The following MYO16 variants were observed in gnomAD, a reference collection of about 807,000 sequenced individuals.
The protein encoded by MYO16 is myosin XVI.
In MYO16, 94 loss-of-function variants were observed where a neutral mutation model predicts 205.3. That is an observed-to-expected ratio of 0.46 (90% CI 0.39 to 0.54). The LOEUF is 0.54. MYO16 is among the 20% of genes least tolerant of loss of function. The pLI is 0.00. For synonymous variants in MYO16, 988 were observed against 954.0 expected, an observed-to-expected ratio of 1.04 and a Z score of -0.66; for missense variants, 2,315 against 2,387.5, an observed-to-expected ratio of 0.97 and a Z score of 0.63.
intron 32 of MYO16, among the ~76,000 whole-genome samples, chr13:109,160,921 G>A (rs1036104982): frequency 1.3e-5 from 2 of 152,144 alleles, no homozygotes; most frequent in African/African-American, 4.8e-5. Flanking sequence ...CTGGGTAGTG[G>A]GAATGCTTTT....
At chr13:108,992,776 T>C (rs1029452915) in intron 21 of MYO16, among the ~76,000 whole-genome samples, 1 of 152,164 alleles carries the variant, frequency 6.6e-6, no homozygotes. Context: ...AGGCAAAGGC[T>C]TTCAAAAACC....
At chr13:108,930,520 A>G (rs1882208752) in intron 16 of MYO16, among the ~76,000 whole-genome samples, 1 of 152,222 alleles carries the variant, frequency 6.6e-6, no homozygotes, top group African/African-American at 2.4e-5. Flanking sequence ...TAAAAAAAGA[A>G]AAGTCAATTG....
intron 10 of MYO16, among the ~76,000 whole-genome samples, chr13:108,849,525 T>G (rs1388280266): frequency 7.8e-6 from 1 of 127,772 alleles, no homozygotes; most frequent in South Asian, 2.6e-4. Flanking sequence ...ATTTCCTCCT[T>G]TGTGTGTGTG....
chr13:109,084,544 G>A (rs1321121602), intron 27 of MYO16, among the ~76,000 whole-genome samples: 1 of 152,166 alleles, frequency 6.6e-6, no homozygotes, highest in Non-Finnish European at 1.5e-5. Context: ...ATTTGTTTAA[G>A]GGGATGGTCA....
chr13:109,057,752 A>G (rs374057300), intron 27 of MYO16, among the ~76,000 whole-genome samples: 13 of 152,112 alleles, frequency 8.5e-5, no homozygotes, highest in African/African-American at 2.9e-4. Flanking sequence ...TAAGTTTAAA[A>G]CAATAGATTC....
chr13:109,008,216 T>A (rs1036863486), intron 21 of MYO16, among the ~76,000 whole-genome samples: 3 of 152,228 alleles, frequency 2.0e-5, no homozygotes, highest in African/African-American at 7.2e-5. Context: ...GACTAATTGG[T>A]TGGAAACTCC....
chr13:108,739,049 T>C (rs2139608154), intron 4 of MYO16, among the ~76,000 whole-genome samples: 1 of 152,318 alleles, frequency 6.6e-6, no homozygotes, highest in Admixed American at 6.5e-5. Flanking sequence ...GTGAGATGGG[T>C]CTCCTGTATA....
chr13:109,178,759 G>A (rs998256330), intron 33 of MYO16, among the ~76,000 whole-genome samples: 1 of 152,134 alleles, frequency 6.6e-6, no homozygotes, highest in African/African-American at 2.4e-5. Context: ...ACAAATGGGG[G>A]TGCTGCTGGC....
chr13:108,989,648 T>C (rs1594450679), intron 20 of MYO16, among the ~76,000 whole-genome samples: 1 of 152,138 alleles, frequency 6.6e-6, no homozygotes, highest in Non-Finnish European at 1.5e-5. Context: ...TAAAAGCATT[T>C]CTCATAGTCT....
intron 4 of MYO16, among the ~76,000 whole-genome samples, chr13:108,776,321 A>T (rs554229523): frequency 2.7e-3 from 409 of 152,310 alleles, no homozygotes; most frequent in African/African-American, 9.5e-3. Flanking sequence ...GGCATAGATT[A>T]CATAGAGAGG....
chr13:108,696,975 A>AT (rs950672696), intron 2 of MYO16, among the ~76,000 whole-genome samples: 1 of 68,464 alleles, frequency 1.5e-5, no homozygotes, highest in Non-Finnish European at 3.3e-5. Context: ...GAATTCAAGC[A>AT]TTAAAAAAAA....
chr13:108,820,504 T>C (rs542598419), intron 8 of MYO16, 92 bp downstream of exon 8: 2 of 998,728 alleles, frequency 2.0e-6, no homozygotes, highest in East Asian at 5.3e-5. Context: ...AGCTACAAAG[T>C]GAGAGCTGGA....
chr13:108,677,342 TATATATATATATGC>T (rs1358014333), intron 2 of MYO16, among the ~76,000 whole-genome samples: 344 of 98,098 alleles, frequency 3.5e-3, no homozygotes, highest in African/African-American at 0.012. Flanking sequence ...TGTGTATATA[TATATATATATATGC>T]ATATATATAT....
chr13:108,527,821 G>C, the MYO16 span, among the ~76,000 whole-genome samples: 1 of 152,144 alleles, frequency 6.6e-6, no homozygotes, highest in Non-Finnish European at 1.5e-5. Context: ...TTTTGAAAGT[G>C]CATTTTTTTT....
chr13:108,887,394 G>T (rs1264266525), intron 13 of MYO16, among the ~76,000 whole-genome samples: 1 of 152,098 alleles, frequency 6.6e-6, no homozygotes, highest in Non-Finnish European at 1.5e-5. Flanking sequence ...TCCTAAAAGG[G>T]CTTTAAAAAG....
chr13:108,717,629 CAAAA>C (rs59387181), intron 3 of MYO16, among the ~76,000 whole-genome samples: 40 of 96,406 alleles, frequency 4.1e-4, no homozygotes, highest in Non-Finnish European at 5.5e-4. Flanking sequence ...GACTCCATCT[CAAAA>C]AAAAAAAAAA....
intron 3 of MYO16, among the ~76,000 whole-genome samples, chr13:108,721,119 CAT>C (rs1420587411): frequency 1.3e-5 from 2 of 152,162 alleles, no homozygotes; most frequent in Admixed American, 6.5e-5. Flanking sequence ...TATATTAAGA[CAT>C]ATTACCTTTG....
At chr13:109,089,412 C>T (rs1464917811) in intron 27 of MYO16, among the ~76,000 whole-genome samples, 1 of 151,932 alleles carries the variant, frequency 6.6e-6, no homozygotes, top group East Asian at 1.9e-4. Context: ...CGGGGTTTCG[C>T]CATTTTGGGC....
intron 12 of MYO16, among the ~76,000 whole-genome samples, chr13:108,882,834 A>G (rs964777267): frequency 6.6e-6 from 1 of 152,232 alleles, no homozygotes; most frequent in African/African-American, 2.4e-5. Context: ...AAGCCTGTGG[A>G]CCAAGTAATG....
Sources: gnomAD v4.1 joint callset for allele counts (sites outside exome capture counted in the v4.1 genomes callset) on GRCh38, gnomAD v4.1.1 for gene constraint, MANE v1.5 for transcripts, NCBI Gene and HGNC (gene_info 2026-07-23, HGNC 2026-07-21) for gene names.